Variants in RFTN1 observed in about 807,000 individuals in gnomAD.
The protein encoded by RFTN1 is raftlin.
A neutral mutation model predicts 46.5 loss-of-function variants in RFTN1; 26 were observed. The ratio of observed to expected loss-of-function variants is 0.56; its 90% CI spans 0.41 to 0.78. The LOEUF is 0.78. RFTN1 is among the 30% of genes least tolerant of loss of function. The pLI, the probability that RFTN1 is intolerant of heterozygous loss-of-function variation, is 0.00. For missense variants in RFTN1, 693 were observed against 718.7 expected (o/e 0.96, Z 0.41); for synonymous variants, 261 against 284.2 (o/e 0.92, Z 0.82).
Position 16,498,282 on chromosome 3 carries a change from C to A in RFTN1, c.-8-4405G>T, listed in dbSNP as rs572173396. Among the ~76,000 whole-genome samples the A allele has an allele frequency of 4.2e-4, 64 of 152,178 alleles. No individual in the cohort carries two copies. Among genetic ancestry groups the A allele is most frequent in the Non-Finnish European group, 9.0e-4 (61 of 68,038 alleles). The stretch of plus-strand genomic sequence containing the variant: ...TCTGTAACAAATAGCTGAGTCTTAG[C>A]CAATCACAGCAGCAGAATGCAGTCA... On this transcript the variant is annotated intron_variant, in intron 1 of 9. Transcript: ENST00000334133. The surrounding 1 kb of genome is among the most constrained non-coding windows in gnomAD (Gnocchi z 5.2).
intron 3 of RFTN1, among the ~76,000 whole-genome samples, chr3:16,432,282 C>T (rs2075403420): frequency 6.6e-6 from 1 of 152,256 alleles, no homozygotes; most frequent in Middle Eastern, 3.4e-3. Flanking sequence ...CTTTGAGAGG[C>T]CTATGTGGGA....
At chr3:16,415,157 T>C (rs1483032035) in intron 3 of RFTN1, among the ~76,000 whole-genome samples, 3 of 152,090 alleles carry the variant, frequency 2.0e-5, no homozygotes, top group African/African-American at 7.2e-5. Context: ...GTTCCAGTTA[T>C]ATTTTCAAGG....
rs2075921872 is a variant in RFTN1, at chr3:16,457,118, T to G, written c.146-23081A>C. On this transcript the variant is annotated intron_variant, in intron 2 of 9. Coordinates refer to ENST00000334133, the MANE Select transcript of RFTN1 (RefSeq NM_015150.2). The surrounding 1 kb of genome is among the most constrained non-coding windows in gnomAD (Gnocchi z 4.2). The stretch of plus-strand genomic sequence containing the variant: ...TTAATCTTTTACAGTTCACCACATT[T>G]GTTTTACAGCCTCTGCAAGTACAGA... Among the ~76,000 whole-genome samples the G allele has an allele frequency of 6.6e-6, 1 of 152,240 alleles. No homozygotes were observed. The highest frequency in any genetic ancestry group is 1.5e-5 in the Non-Finnish European group (1 of 68,050).
chr3:16,460,442 C>G lies in RFTN1; in HGVS notation c.146-26405G>C, dbSNP rs550855963. ...GACATTTCATTTGAATTTCCGGAGCCTGGTTTTATCTTAACAGCCCTCATA... is the reference window on the plus strand; with the variant it reads ...GACATTTCATTTGAATTTCCGGAGCGTGGTTTTATCTTAACAGCCCTCATA... On this transcript the variant is annotated intron_variant, in intron 2 of 9. Transcript: ENST00000334133. The surrounding 1 kb of genome is among the most constrained non-coding windows in gnomAD (Gnocchi z 4.8). Among the ~76,000 whole-genome samples, 128 of 152,214 alleles carry G rather than the reference C, an allele frequency of 8.4e-4. No homozygotes were observed. Among genetic ancestry groups the G allele is most frequent in the Middle Eastern group, 3.4e-3 (1 of 294 alleles).
chr3:16,377,904 G>T lies in RFTN1; in HGVS notation c.640C>A (p.Pro214Thr). Residue 214 changes from proline (P) to threonine (T), a missense_variant, in exon 5 of 10, where the codon CCG becomes ACG. Physicochemically the swap from Pro to Thr is conservative, Grantham distance 38. Coordinates refer to ENST00000334133, the MANE Select transcript of RFTN1 (RefSeq NM_015150.2). Reference sequence around the variant, plus strand: ...TCTGGGCTTTGGTTTCTCCCAGCCGGAGCACTGCACACATCCCCAGTCCCC... The same window carrying T: ...TCTGGGCTTTGGTTTCTCCCAGCCGTAGCACTGCACACATCCCCAGTCCCC... ...KPGTGDVCSA[P>T]AGRNQSPEPS... 6.2e-7 allele frequency: 1 copy of T among 1,614,192 alleles called. No homozygotes were observed. The highest frequency in any genetic ancestry group is 8.5e-7 in the Non-Finnish European group (1 of 1,180,032).
chr3:16,340,630 G>A (rs1169342234), intron 7 of RFTN1, among the ~76,000 whole-genome samples: 2 of 152,210 alleles, frequency 1.3e-5, no homozygotes, highest in Admixed American at 1.3e-4. Context: ...ACATTTAATG[G>A]AGATGAGTGT....
chr3:16,397,492 CTT>C (rs1370727311), intron 4 of RFTN1, among the ~76,000 whole-genome samples: 1 of 152,112 alleles, frequency 6.6e-6, no homozygotes, highest in African/African-American at 2.4e-5. Context: ...TTTAGGCGCT[CTT>C]ACCGCAAAAA....
At chr3:16,390,866 CA>C (rs1357223007) in intron 4 of RFTN1, among the ~76,000 whole-genome samples, 3 of 152,174 alleles carry the variant, frequency 2.0e-5, no homozygotes, top group African/African-American at 7.2e-5. Context: ...AATAGTTCAT[CA>C]AAAAACTAAC....
chr3:16,378,096 C>G lies in RFTN1; in HGVS notation c.448G>C (p.Glu150Gln). 1 of 1,607,862 alleles carries G rather than the reference C, an allele frequency of 6.2e-7. No individual in the cohort carries two copies. Among genetic ancestry groups the G allele is most frequent in the Non-Finnish European group, 8.5e-7 (1 of 1,174,642 alleles). ...AATTTCAGGCCCTGGCTTGCAGCCT[C>G]CTGGATCTGTGAGGCAAACAAAAGG... ...LIPEFIKKIQ[E>Q]AASQGLKFVG... Residue 150 changes from glutamate (E) to glutamine (Q), a missense_variant, in exon 5 of 10, where the codon GAG becomes CAG. By Grantham distance (29) the Glu-to-Gln change is conservative. Coordinates refer to ENST00000334133, the MANE Select transcript of RFTN1 (RefSeq NM_015150.2).
At chr3:16,444,483 G>T (rs549384097) in intron 2 of RFTN1, among the ~76,000 whole-genome samples, 1 of 152,248 alleles carries the variant, frequency 6.6e-6, no homozygotes, top group East Asian at 1.9e-4. Flanking sequence ...TGTCTACATT[G>T]TCCCAGTCTG....
chr3:16,318,302 T>C (rs2068658437), intron 9 of RFTN1, among the ~76,000 whole-genome samples: 1 of 152,178 alleles, frequency 6.6e-6, no homozygotes, highest in East Asian at 1.9e-4. Context: ...TGTTATCTCA[T>C]TGGTTTCACC....
intron 4 of RFTN1, among the ~76,000 whole-genome samples, chr3:16,379,028 T>C (rs568741377): frequency 6.6e-6 from 1 of 152,240 alleles, no homozygotes. Flanking sequence ...TTTAGGGGAC[T>C]TTCCAGGCAA....
chr3:16,318,182 G>A (rs1037031729), intron 9 of RFTN1, among the ~76,000 whole-genome samples: 3 of 151,968 alleles, frequency 2.0e-5, no homozygotes, highest in African/African-American at 4.8e-5. Flanking sequence ...CCCCAGCTCC[G>A]TCACTGACCG....
At chr3:16,375,829 C>A (rs1365177195) in intron 5 of RFTN1, among the ~76,000 whole-genome samples, 5 of 152,184 alleles carry the variant, frequency 3.3e-5, no homozygotes, top group African/African-American at 1.2e-4. Context: ...CCAGCAGGGT[C>A]TGTTTCTCCA....
At chr3:16,420,634 T>C (rs2125467496) in intron 3 of RFTN1, among the ~76,000 whole-genome samples, 1 of 152,356 alleles carries the variant, frequency 6.6e-6, no homozygotes, top group Non-Finnish European at 1.5e-5. Flanking sequence ...AAATGTTCTA[T>C]ATCTGTACAG....
At position 16,443,943 on chromosome 3, in the gene RFTN1, G is replaced by A. The variant is rs908331657; in HGVS notation, c.146-9906C>T. Among the ~76,000 whole-genome samples the A allele has an allele frequency of 6.6e-6, 1 of 152,108 alleles. No homozygotes were observed. Among genetic ancestry groups the A allele is most frequent in the Non-Finnish European group, 1.5e-5 (1 of 68,016 alleles). On this transcript the variant is annotated intron_variant, in intron 2 of 9. Transcript: ENST00000334133. This position sits in a 1 kb window ranked among gnomAD's most constrained non-coding sequence, Gnocchi z 5.5. ...GACACAGGCTAAGATACATCAAGAA[G>A]CCTTTTTAAGAAACACCAGGTCCCC...
intron 7 of RFTN1, among the ~76,000 whole-genome samples, chr3:16,333,419 G>A (rs868625981): frequency 3.3e-5 from 5 of 152,212 alleles, no homozygotes; most frequent in African/African-American, 1.2e-4. Context: ...ATAAATTTTA[G>A]TAAGCAGATG....
In RFTN1 at chr3:16,411,012, G is replaced by T. The variant is rs1019452972; in HGVS notation, c.333-1529C>A. Among the ~76,000 whole-genome samples, 9 of 152,296 alleles carry T rather than the reference G, an allele frequency of 5.9e-5. No homozygotes were observed. In the East Asian group the frequency reaches 1.7e-3, roughly 29 times the overall value. ...GTGCTGTCTCTTCTAGGTGGCTGGT[G>T]GTATTGGGGAGTGGGAATTAGAGAC... On this transcript the variant is annotated intron_variant, in intron 3 of 9. Coordinates refer to ENST00000334133, the MANE Select transcript of RFTN1 (RefSeq NM_015150.2).
intron 7 of RFTN1, among the ~76,000 whole-genome samples, chr3:16,354,820 TACACTGC>T (rs1329686029): frequency 2.6e-5 from 4 of 152,212 alleles, no homozygotes; most frequent in African/African-American, 4.8e-5. Flanking sequence ...CAAGAACAGC[TACACTGC>T]ACCCTGAACA....
Sources: allele counts gnomAD v4.1 joint callset (sites outside exome capture counted in the v4.1 genomes callset), GRCh38; gene constraint gnomAD v4.1.1; non-coding constraint Gnocchi (gnomAD v3.1); transcripts MANE v1.5; gene names NCBI Gene and HGNC (gene_info 2026-07-23, HGNC 2026-07-21).